Variants in TBK1 observed in about 807,000 individuals in gnomAD.
The protein encoded by TBK1 is serine/threonine-protein kinase TBK1.
TBK1 carries 37 observed loss-of-function variants against 99.9 expected under a neutral mutation model. The observed-to-expected ratio is 0.37, with a 90% CI of 0.28 to 0.49. TBK1 has a LOEUF of 0.49. Among genes scored for constraint, TBK1 ranks in the 20% least tolerant of loss-of-function variants. TBK1 has a pLI of 0.98. For synonymous variants in TBK1, 258 were observed against 279.8 expected (o/e 0.92, Z 0.78); for missense variants, 644 against 872.5 (o/e 0.74, Z 3.30).
chr12:64,464,727 T>C (rs958297666), intron 4 of TBK1, among the ~76,000 whole-genome samples: 2 of 152,130 alleles, frequency 1.3e-5, no homozygotes, highest in African/African-American at 4.8e-5. Flanking sequence ...AAGGGATTTT[T>C]ATCCAGACAA....
chr12:64,468,953 A>G (rs1467282656), intron 5 of TBK1, among the ~76,000 whole-genome samples: 2 of 151,956 alleles, frequency 1.3e-5, no homozygotes, highest in Non-Finnish European at 2.9e-5. Context: ...CTGCTTGCTG[A>G]GAACCTACTG....
chr12:64,501,283 A>C, intron 20 of TBK1, 47 bp from the exon 21 acceptor site: 1 of 1,604,458 alleles, frequency 6.2e-7, no homozygotes. Context: ...TTTATACATA[A>C]ATGCAACTTT....
intron 2 of TBK1, among the ~76,000 whole-genome samples, chr12:64,457,865 A>G (rs1303403458): frequency 6.6e-6 from 1 of 152,222 alleles, no homozygotes; most frequent in Non-Finnish European, 1.5e-5. Context: ...AAGACAACCT[A>G]AAGTTCTCCA....
At chr12:64,497,812 T>G in intron 19 of TBK1, 58 bp downstream of exon 19, 2 of 1,473,248 alleles carry the variant, frequency 1.4e-6, no homozygotes, top group East Asian at 4.5e-5. Flanking sequence ...TTGCAGTTTG[T>G]GCTTTTGCTC....
At chr12:64,452,843 A>C (rs2040442614) in intron 1 of TBK1, 1 of 152,230 alleles carries the variant, frequency 6.6e-6, no homozygotes, top group Non-Finnish European at 1.5e-5. Flanking sequence ...AAGTATTCTT[A>C]GTAGGTGGCC....
intron 4 of TBK1, among the ~76,000 whole-genome samples, chr12:64,465,598 A>C (rs898553182): frequency 6.6e-6 from 1 of 152,240 alleles, no homozygotes; most frequent in African/African-American, 2.4e-5. Flanking sequence ...TTGTTTGTTT[A>C]CAAAAAGATA....
chr12:64,495,806 T>G, intron 15 of TBK1, 31 bp downstream of exon 15: 1 of 1,461,498 alleles, frequency 6.8e-7, no homozygotes, highest in Non-Finnish European at 9.2e-7. Context: ...GTTAATTTAA[T>G]AAATCCCTCT....
chr12:64,468,394 TGAGG>T (rs1201426344), intron 5 of TBK1, among the ~76,000 whole-genome samples: 2 of 151,400 alleles, frequency 1.3e-5, no homozygotes, highest in Non-Finnish European at 2.9e-5. Flanking sequence ...TTTGGGAGGT[TGAGG>T]CAGAATTGTC....
intron 20 of TBK1, among the ~76,000 whole-genome samples, chr12:64,498,755 A>G (rs2040955611): frequency 6.6e-6 from 1 of 152,152 alleles, no homozygotes; most frequent in African/African-American, 2.4e-5. Context: ...CTGGAGTTCA[A>G]GACCAGCCTA....
In TBK1 at chr12:64,497,187, G is replaced by C. The variant is rs752047246; in HGVS notation, c.1887G>C (p.Gln629His). The change falls in exon 18 of 21, where the codon CAG becomes CAC. Residue 629 changes from glutamine to histidine, a missense_variant. Transcript: ENST00000331710. ...GAAAGATGCTTCATCTTAGGAAACA[G>C]TTATTATCGCTGACTAATCAGTGTT... ...WIRKMLHLRK[Q>H]LLSLTNQCFD... 7 of 1,600,618 alleles carry C rather than the reference G, an allele frequency of 4.4e-6. No homozygotes were observed. Among genetic ancestry groups the C allele is most frequent in the African/African-American group, 1.3e-5 (1 of 74,672 alleles).
At chr12:64,473,293 G>A (rs1244309047) in intron 5 of TBK1, among the ~76,000 whole-genome samples, 2 of 152,188 alleles carry the variant, frequency 1.3e-5, no homozygotes, top group Admixed American at 1.3e-4. Context: ...AATACATTAG[G>A]TCTGAATGGG....
At chr12:64,497,347 C>T (rs2040938448) in intron 18 of TBK1, 88 bp downstream of exon 18, 8 of 989,782 alleles carry the variant, frequency 8.1e-6, no homozygotes, top group Non-Finnish European at 1.2e-5. Flanking sequence ...TAGAATGTGC[C>T]TACATTCAGT....
rs2040786419 is a variant in TBK1 at position 64,483,335 on chromosome 12, G to C, written c.993-968G>C. Among the ~76,000 whole-genome samples, 3 of 152,138 alleles carry C rather than the reference G, an allele frequency of 2.0e-5. No individual in the cohort carries two copies. The South Asian group carries it at 6.2e-4, about 32-fold the overall frequency. On this transcript the variant is annotated intron_variant, in intron 8 of 20. Transcript: ENST00000331710. ...ATTTTCAAAAGGTGACACAGTGGAGGCTTGTAGAGCCAAATTACAATATTG... is the reference window on the plus strand; with the variant it reads ...ATTTTCAAAAGGTGACACAGTGGAGCCTTGTAGAGCCAAATTACAATATTG...
Position 64,496,392 on chromosome 12 carries a change from C to A in TBK1, c.1746C>A (p.Ile582=). The A allele has an allele frequency of 8.0e-7, 1 of 1,255,478 alleles. No homozygotes were observed. Among genetic ancestry groups the A allele is most frequent in the Non-Finnish European group, 1.1e-6 (1 of 901,442 alleles). 77.8% of individuals were successfully genotyped at this position (1,255,478 alleles called of 1,614,324 possible). A position where few individuals can be genotyped will look rare whatever the true frequency, so the allele number is the denominator to read the frequency against. The change falls in exon 16 of 21, where the codon ATC becomes ATA. Residue 582 remains isoleucine, a synonymous_variant. Coordinates refer to ENST00000331710, the MANE Select transcript of TBK1 (RefSeq NM_013254.4). The part of the protein sequence containing the change: ...ERRLAYNEEQ[I]HKFDKQKLYY... ...GATTAGCTTATAATGAAGAACAAAT[C>A]CACAAATTTGATAAGTAAGTATCCA...
At chr12:64,495,384 C>G (rs2040914963) in intron 13 of TBK1, 99 bp from the exon 14 acceptor site, 1 of 1,428,800 alleles carries the variant, frequency 7.0e-7, no homozygotes, top group African/African-American at 1.4e-5. Flanking sequence ...TTGAAGTAAT[C>G]TACAAAAGAA....
intron 7 of TBK1, 131 bp from the exon 8 acceptor site, chr12:64,481,711 T>C (rs2040769372): frequency 3.3e-6 from 2 of 614,870 alleles, no homozygotes; most frequent in Non-Finnish European, 4.8e-6. Context: ...TGACAGATTT[T>C]AAATTTTTTA....
intron 8 of TBK1, among the ~76,000 whole-genome samples, chr12:64,482,930 A>G (rs1038805998): frequency 3.3e-5 from 5 of 152,244 alleles, no homozygotes; most frequent in African/African-American, 1.2e-4. Context: ...AATTTGAGTA[A>G]GTTGGGTGTA....
chr12:64,491,710 TGAAAG>T (rs145752909), intron 13 of TBK1, among the ~76,000 whole-genome samples: 2,571 of 152,330 alleles, frequency 0.017, 67 homozygotes, highest in African/African-American at 0.059. Flanking sequence ...AAATTAAAAG[TGAAAG>T]GAACTTGATA....
intron 20 of TBK1, among the ~76,000 whole-genome samples, chr12:64,499,577 C>T (rs1021725303): frequency 6.6e-6 from 1 of 151,676 alleles, no homozygotes; most frequent in Non-Finnish European, 1.5e-5. Context: ...AAAATATTTT[C>T]CTTGTTTATA....
Sources: allele counts gnomAD v4.1 joint callset (sites outside exome capture counted in the v4.1 genomes callset), GRCh38; gene constraint gnomAD v4.1.1; transcripts MANE v1.5; gene names NCBI Gene and HGNC (gene_info 2026-07-23, HGNC 2026-07-21).